PWWP3A: variants seen among roughly 807,000 people sequenced by gnomAD.
PWWP3A encodes the protein PWWP domain containing 3A, DNA repair factor, also known as PWWP domain-containing DNA repair factor 3A.
Under a neutral mutation model 79.0 loss-of-function variants are expected in PWWP3A, and 53 were observed. The ratio of observed to expected loss-of-function variants is 0.67; its 90% confidence interval spans 0.54 to 0.84. The LOEUF is 0.84. Ranked by LOEUF, PWWP3A falls within the 40% of genes least tolerant of loss-of-function variation. The pLI is 0.00. For missense variants in PWWP3A, 973 were observed against 948.0 expected (o/e 1.03, Z -0.35); for synonymous variants, 443 against 394.4 (o/e 1.12, Z -1.46).
Position 1,369,150 on chromosome 19 carries a change from G to A in PWWP3A, c.1423-115G>A. The A allele has an allele frequency of 1.1e-6, 1 of 879,090 alleles. No homozygotes were observed. The highest frequency in any genetic ancestry group is 1.5e-5 in the South Asian group (1 of 67,220). 54.5% of individuals were successfully genotyped at this position (879,090 alleles called of 1,614,324 possible). On this transcript the variant is annotated intron_variant, in intron 9 of 13. Transcript: ENST00000591337. This position sits in a 1 kb window ranked among gnomAD's most constrained non-coding sequence, Gnocchi z 4.0. ...TTGTCAGGGAGGGTCAGAGGTGCGG[G>A]CTGGAGCGTGAGCAGCCTGGACACC...
intron 6 of PWWP3A, chr19:1,364,239 C>A (rs943686069): frequency 1.6e-6 from 1 of 617,072 alleles, no homozygotes; most frequent in Non-Finnish European, 3.1e-6. Context: ...CCTCCCATCC[C>A]AAGGGTGCGT....
chr19:1,369,487 G>A lies in PWWP3A; in HGVS notation c.1499-109G>A. Reference sequence around the variant, plus strand: ...TCCCTGTGGGTGGGCTGGGGTTCTGGCCTGGCCTGATTATTTCCTAAACAG... The same window carrying A: ...TCCCTGTGGGTGGGCTGGGGTTCTGACCTGGCCTGATTATTTCCTAAACAG... On this transcript the variant is annotated intron_variant, in intron 10 of 13. Coordinates refer to ENST00000591337, the MANE Select transcript of PWWP3A (RefSeq NM_001369789.1). This position sits in a 1 kb window ranked among gnomAD's most constrained non-coding sequence, Gnocchi z 4.0. 6.6e-7 allele frequency: 1 copy of A among 1,512,444 alleles called. No homozygotes were observed. Among genetic ancestry groups the A allele is most frequent in the Non-Finnish European group, 9.2e-7 (1 of 1,089,760 alleles). 93.7% of individuals were successfully genotyped at this position (1,512,444 alleles called of 1,614,324 possible).
At position 1,376,605 on chromosome 19, in the gene PWWP3A, GC is replaced by G. The variant is rs2082408470; in HGVS notation, c.*31del. The G allele has an allele frequency of 6.2e-7, 1 of 1,612,090 alleles. No individual in the cohort carries two copies. Among genetic ancestry groups the G allele is most frequent in the Admixed American group, 1.7e-5 (1 of 59,900 alleles). ...AGCAGCCGGCTGTGCTGTCAGCGGG[GC>G]CTGGCGGTGGAAGCGCCTCCAGTGT... On this transcript the variant is annotated 3_prime_UTR_variant, in exon 14 of 14. Transcript: ENST00000591337.
chr19:1,371,057 T>G lies in PWWP3A; in HGVS notation c.1965T>G (p.Ile655Met). 1.9e-6 allele frequency: 3 copies of G among 1,568,760 alleles called. No individual in the cohort carries two copies. Among genetic ancestry groups the G allele is most frequent in the Non-Finnish European group, 2.6e-6 (3 of 1,156,534 alleles). Reference protein sequence around the residue: ...QRTNGDRIRFILDVLLPEAII... With the variant: ...QRTNGDRIRFMLDVLLPEAII... The stretch of plus-strand genomic sequence containing the variant: ...CCAACGGCGACCGGATCCGGTTCAT[T>G]CTGGACGTGCTTCTGCCCGAGGTGA... Residue 655 changes from isoleucine to methionine, a missense_variant, in exon 12 of 14, where the codon ATT becomes ATG. Transcript: ENST00000591337.
chr19:1,360,401 G>A lies in PWWP3A; in HGVS notation c.480G>A (p.Leu160=). 1 of 1,614,126 alleles carries A rather than the reference G, an allele frequency of 6.2e-7. No individual in the cohort carries two copies. The highest frequency in any genetic ancestry group is 8.5e-7 in the Non-Finnish European group (1 of 1,180,044). The change falls in exon 5 of 14, where the codon CTG becomes CTA. Residue 160 remains leucine, a synonymous_variant. Coordinates refer to ENST00000591337, the MANE Select transcript of PWWP3A (RefSeq NM_001369789.1). The surrounding 1 kb of genome is among the most constrained non-coding windows in gnomAD (Gnocchi z 4.4). ...HRRRPCVQQS[L]SSSFTCEKDP... is the part of the protein sequence containing the mutation. ...GGAGGCCATGTGTGCAACAAAGCCT[G>A]TCAAGTTCGTTCACTTGTGAAAAGG...
Position 1,369,098 on chromosome 19 carries a change from T to C in PWWP3A, c.1423-167T>C, listed in dbSNP as rs2082194673. The stretch of plus-strand genomic sequence containing the variant: ...CGTTTCCCATTTACCAGAGGGTCCC[T>C]GTGCGAGGCGTCTGCCAGAGCCCCC... On this transcript the variant is annotated intron_variant, in intron 9 of 13. Coordinates refer to ENST00000591337, the MANE Select transcript of PWWP3A (RefSeq NM_001369789.1). The surrounding 1 kb of genome is among the most constrained non-coding windows in gnomAD (Gnocchi z 4.0). 3.2e-6 allele frequency: 2 copies of C among 621,186 alleles called. No homozygotes were observed. Among genetic ancestry groups the C allele is most frequent in the Non-Finnish European group, 5.8e-6 (2 of 343,946 alleles). The allele number at this position is 621,186 out of a possible 1,614,324, so 38.5% of individuals were successfully genotyped here. A position where few individuals can be genotyped will look rare whatever the true frequency, so the allele number is the denominator to read the frequency against.
At position 1,367,939 on chromosome 19, in the gene PWWP3A, T is replaced by C. The variant is rs141955325; in HGVS notation, c.1422+719T>C. Among the ~76,000 whole-genome samples, 164 of 152,344 alleles carry C rather than the reference T, an allele frequency of 1.1e-3. 4 individuals carry two copies. The East Asian group carries it at 0.02, about 18-fold the overall frequency. ...GATCTGAGTTACTTTCTTTTGTTTT[T>C]TTTGAGACGGAGTCTCACTCTGTTG... On this transcript the variant is annotated intron_variant, in intron 9 of 13. Transcript: ENST00000591337.
intron 13 of PWWP3A, among the ~76,000 whole-genome samples, chr19:1,376,301 T>TTTG (rs2082396030): frequency 4.8e-5 from 5 of 105,244 alleles, no homozygotes; most frequent in Admixed American, 2.0e-4. Context: ...GTTTGTTTTT[T>TTTG]TTTTTGTTTG....
chr19:1,358,615 G>T, intron 4 of PWWP3A, 151 bp downstream of exon 4: 1 of 1,560,028 alleles, frequency 6.4e-7, no homozygotes, highest in Non-Finnish European at 8.6e-7. Context: ...AGCTGAAGGA[G>T]AAGGAAAAAT....
In PWWP3A at chr19:1,374,226, G is replaced by A. The variant is rs184227435; in HGVS notation, c.2075+1066G>A. On this transcript the variant is annotated intron_variant, in intron 13 of 13. Coordinates refer to ENST00000591337, the MANE Select transcript of PWWP3A (RefSeq NM_001369789.1). ...GTCTGGGTTGCCGACATCAAAACCC[G>A]TTAGGAGTTCATCACAGCTTCCAGT... The A allele has an allele frequency of 3.3e-3, 505 of 152,092 alleles. 4 individuals carry two copies. The highest frequency in any genetic ancestry group is 0.01 in the African/African-American group (422 of 41,454). The allele number at this position is 152,092 out of a possible 1,614,324, so 9.4% of individuals were successfully genotyped here.
In PWWP3A at chr19:1,360,206, G is replaced by A; in HGVS notation, c.285G>A (p.Leu95=). ...ACAGACGGTCGCTTCGCGTGGCTCTGGACGTTCTGAGCGAGGGCTCGATTT... is the reference window on the plus strand; with the variant it reads ...ACAGACGGTCGCTTCGCGTGGCTCTAGACGTTCTGAGCGAGGGCTCGATTT... ...LAYRRSLRVA[L]DVLSEGSIWS... is the part of the protein sequence containing the mutation. Residue 95 remains leucine, a synonymous_variant, in exon 5 of 14, where the codon CTG becomes CTA. Coordinates refer to ENST00000591337, the MANE Select transcript of PWWP3A (RefSeq NM_001369789.1). The surrounding 1 kb of genome is among the most constrained non-coding windows in gnomAD (Gnocchi z 4.4). The A allele has an allele frequency of 1.2e-6, 2 of 1,613,010 alleles. No individual in the cohort carries two copies. The highest frequency in any genetic ancestry group is 1.7e-6 in the Non-Finnish European group (2 of 1,179,538).
intron 1 of PWWP3A, among the ~76,000 whole-genome samples, chr19:1,356,041 G>A (rs1038471500): frequency 1.3e-5 from 2 of 152,176 alleles, no homozygotes. Flanking sequence ...TCCGCACGGA[G>A]ATGATTTATT....
Position 1,376,748 on chromosome 19 carries a change from A to G in PWWP3A, c.*172A>G. 1 of 517,360 alleles carries G rather than the reference A, an allele frequency of 1.9e-6. No homozygotes were observed. Among genetic ancestry groups the G allele is most frequent in the Non-Finnish European group, 3.4e-6 (1 of 292,848 alleles). The allele number at this position is 517,360 out of a possible 1,614,324, so 32.0% of individuals were successfully genotyped here. A position where few individuals can be genotyped will look rare whatever the true frequency, so the allele number is the denominator to read the frequency against. On this transcript the variant is annotated 3_prime_UTR_variant, in exon 14 of 14. Transcript: ENST00000591337. ...TGCTTCTGGAGAATCCATTTCGTTA[A>G]CACTGAAAGCCAGTTCTCTTTTCCT...
At chr19:1,371,382 C>A (rs1206623733) in intron 12 of PWWP3A, 2 of 703,142 alleles carry the variant, frequency 2.8e-6, no homozygotes, top group Middle Eastern at 2.3e-4. Flanking sequence ...TGCTTCCCAG[C>A]CTCGGTGGGT....
rs2082210701 is a variant in PWWP3A, at chr19:1,369,734, G to A, written c.1549+88G>A. 7.0e-7 allele frequency: 1 copy of A among 1,437,476 alleles called. No homozygotes were observed. The highest frequency in any genetic ancestry group is 9.8e-7 in the Non-Finnish European group (1 of 1,019,304). 89.0% of individuals were successfully genotyped at this position (1,437,476 alleles called of 1,614,324 possible). A position where few individuals can be genotyped will look rare whatever the true frequency, so the allele number is the denominator to read the frequency against. On this transcript the variant is annotated intron_variant, in intron 11 of 13. Transcript: ENST00000591337. This position sits in a 1 kb window ranked among gnomAD's most constrained non-coding sequence, Gnocchi z 4.0. ...TTCTATGTCTGAAGCTGTGGAAGGG[G>A]ACGTTGGGGTCAAGGCACTGTCCGC... is the stretch of plus-strand genomic sequence containing the variant.
intron 6 of PWWP3A, 71 bp from the exon 7 acceptor site, chr19:1,364,438 C>A (rs1030372707): frequency 9.6e-6 from 11 of 1,150,756 alleles, no homozygotes; most frequent in African/African-American, 1.6e-5. Flanking sequence ...CAGGCTGTTA[C>A]ACCTGGTGCT....
At position 1,354,978 on chromosome 19, in the gene PWWP3A, G is replaced by C. The variant is rs1354976854; in HGVS notation, c.-227G>C. On this transcript the variant is annotated 5_prime_UTR_variant, in exon 1 of 14. Coordinates refer to ENST00000591337, the MANE Select transcript of PWWP3A (RefSeq NM_001369789.1). ...CGAGGCAAGCCCCGCCCCCGGCCCC[G>C]CGGGGAGCGGCGGCGGCGGCGGCGG... is the stretch of plus-strand genomic sequence containing the variant. 1 of 116,620 alleles carries C rather than the reference G, an allele frequency of 8.6e-6. No individual in the cohort carries two copies. Among genetic ancestry groups the C allele is most frequent in the South Asian group, 2.2e-4 (1 of 4,614 alleles). The allele number at this position is 116,620 out of a possible 1,614,324, so 7.2% of individuals were successfully genotyped here.
intron 13 of PWWP3A, among the ~76,000 whole-genome samples, chr19:1,375,763 A>G (rs1478120065): frequency 1.4e-5 from 2 of 140,996 alleles, no homozygotes; most frequent in Non-Finnish European, 3.0e-5. Flanking sequence ...AATTTTATAT[A>G]TCATATGTAT....
chr19:1,371,180 G>A, intron 12 of PWWP3A, 102 bp downstream of exon 12: 1 of 1,388,260 alleles, frequency 7.2e-7, no homozygotes, highest in Non-Finnish European at 9.9e-7. Flanking sequence ...CCTGCTCCCT[G>A]GCCGTTCGGC....
Sources: allele counts gnomAD v4.1 joint callset (sites outside exome capture counted in the v4.1 genomes callset), GRCh38; gene constraint gnomAD v4.1.1; non-coding constraint Gnocchi (gnomAD v3.1); transcripts MANE v1.5; gene names NCBI Gene and HGNC (gene_info 2026-07-23, HGNC 2026-07-21).